PTPA: variants seen among roughly 807,000 people sequenced by gnomAD.
PTPA encodes the protein serine/threonine-protein phosphatase 2A activator.
In PTPA, 13 loss-of-function variants were observed where a neutral mutation model predicts 43.6. The ratio of observed to expected loss-of-function variants is 0.30; its 90% CI spans 0.19 to 0.47. The LOEUF is 0.47. PTPA is among the 20% of genes least tolerant of loss of function. The pLI is 0.99. For synonymous variants in PTPA, 172 were observed against 158.2 expected, an observed-to-expected ratio of 1.09 and a Z score of -0.66; for missense variants, 329 against 411.9, an observed-to-expected ratio of 0.80 and a Z score of 1.74.
In PTPA at chr9:129,136,776, G is replaced by A. The variant is rs539524309; in HGVS notation, c.685+181G>A. ...GGCTGTTTACTGTCGACCTTCTGCT[G>A]TGAGAGCCCGTGTGGTGGGCTGGAG... On this transcript the variant is annotated intron_variant, in intron 7 of 9. Coordinates refer to ENST00000393370, the MANE Select transcript of PTPA (RefSeq NM_178000.3). Among the ~76,000 whole-genome samples the A allele has an allele frequency of 6.6e-5, 10 of 152,386 alleles. 1 individual carries two copies. The highest frequency in any genetic ancestry group is 2.4e-4 in the African/African-American group (10 of 41,596).
intron 3 of PTPA, chr9:129,127,817 C>A: frequency 2.2e-6 from 1 of 448,758 alleles, no homozygotes; most frequent in South Asian, 1.9e-5. Context: ...GCTGATTTAC[C>A]ATAGCATTGT....
chr9:129,131,694 G>A (rs1312530248), intron 5 of PTPA, 55 bp downstream of exon 5: 1 of 1,552,254 alleles, frequency 6.4e-7, no homozygotes, highest in African/African-American at 1.4e-5. Context: ...TTTCTGTTTT[G>A]GGCTTCAGGT....
intron 2 of PTPA, 141 bp downstream of exon 2, chr9:129,120,751 T>G: frequency 1.5e-6 from 1 of 676,592 alleles, no homozygotes; most frequent in Non-Finnish European, 2.5e-6. Flanking sequence ...ACAGGGGAGC[T>G]GGCTGTCTCT....
upstream of PTPA, chr9:129,111,058 C>A (rs936959568): frequency 2.2e-6 from 3 of 1,368,346 alleles, no homozygotes; most frequent in Non-Finnish European, 2.9e-6. Context: ...TTTCCAACTC[C>A]GTCTGGTGTC....
At chr9:129,139,179 C>T (rs3124511) in intron 8 of PTPA, among the ~76,000 whole-genome samples, 37,037 of 152,106 alleles carry the variant, frequency 0.24, 4,957 homozygotes, top group Admixed American at 0.31. Context: ...CCAGGCCTGG[C>T]CTCCAGGATT....
At chr9:129,120,654 C>T (rs1361028570) in intron 2 of PTPA, 44 bp downstream of exon 2, 1 of 1,540,242 alleles carries the variant, frequency 6.5e-7, no homozygotes, top group South Asian at 1.1e-5. Context: ...TTTTCAAAGA[C>T]AGTGGTTTTC....
rs557098090 is a variant in PTPA at position 129,119,021 on chromosome 9, C to T, written c.32-1492C>T. The T allele has an allele frequency of 3.6e-5, 6 of 164,922 alleles. No individual in the cohort carries two copies. In the South Asian group the frequency reaches 6.8e-4, roughly 19 times the overall value. 10.2% of individuals were successfully genotyped at this position (164,922 alleles called of 1,614,324 possible). ...GAATCTTGTTTTGTTTTTATTGAGA[C>T]AGAGTCTCGTTCTGTTGTCCAGGCT... On this transcript the variant is annotated intron_variant, in intron 1 of 9. Coordinates refer to ENST00000393370, the MANE Select transcript of PTPA (RefSeq NM_178000.3).
At chr9:129,113,698 A>T (rs149974990) in intron 1 of PTPA, among the ~76,000 whole-genome samples, 3,463 of 152,120 alleles carry the variant, frequency 0.023, 126 homozygotes, top group Admixed American at 0.1. Flanking sequence ...TGAACCCAGG[A>T]GGCGGAGGTT....
chr9:129,137,804 G>A, intron 8 of PTPA, 112 bp downstream of exon 8: 2 of 1,004,020 alleles, frequency 2.0e-6, no homozygotes, highest in Non-Finnish European at 3.1e-6. Flanking sequence ...CAAAATGGCA[G>A]GGCCGGCCGG....
chr9:129,111,021 A>G (rs763439983), upstream of PTPA: 3 of 1,369,564 alleles, frequency 2.2e-6, no homozygotes, highest in East Asian at 4.5e-5. Context: ...CATGTCTTCT[A>G]AGCTGTTGGA....
chr9:129,142,559 G>A lies in PTPA; in HGVS notation c.894+7G>A. The A allele has an allele frequency of 6.2e-7, 1 of 1,614,130 alleles. No homozygotes were observed. The highest frequency in any genetic ancestry group is 8.5e-7 in the Non-Finnish European group (1 of 1,179,984). On this transcript the variant is annotated splice_region_variant and intron_variant, in intron 9 of 9. Coordinates refer to ENST00000393370, the MANE Select transcript of PTPA (RefSeq NM_178000.3). ...CCGCATGTATAAGGCCGAGGTGAGT[G>A]GGGGCTGGCCAGTGTGCCCGTCCCT...
intron 7 of PTPA, among the ~76,000 whole-genome samples, chr9:129,137,082 C>G (rs1850420953): frequency 6.6e-6 from 1 of 152,196 alleles, no homozygotes; most frequent in South Asian, 2.1e-4. Flanking sequence ...CTGGTGACTC[C>G]CCAACTCTTG....
chr9:129,133,513 T>C (rs944382380), intron 5 of PTPA, among the ~76,000 whole-genome samples: 4 of 152,202 alleles, frequency 2.6e-5, no homozygotes, highest in African/African-American at 9.7e-5. Context: ...GACAGAAGTA[T>C]TCTCTGACAC....
At chr9:129,127,939 G>T in intron 3 of PTPA, 1 of 1,284,950 alleles carries the variant, frequency 7.8e-7, no homozygotes, top group Non-Finnish European at 1.0e-6. Context: ...AGTAAAAGTT[G>T]TCATAAGATT....
intron 9 of PTPA, among the ~76,000 whole-genome samples, chr9:129,146,647 A>G (rs1268415598): frequency 6.6e-6 from 1 of 152,196 alleles, no homozygotes; most frequent in African/African-American, 2.4e-5. Flanking sequence ...CAGGTGTGGC[A>G]GGCATGGGGG....
At chr9:129,122,275 T>A (rs1849295694) in intron 2 of PTPA, among the ~76,000 whole-genome samples, 1 of 152,082 alleles carries the variant, frequency 6.6e-6, no homozygotes, top group Non-Finnish European at 1.5e-5. Flanking sequence ...GCAAACTTTT[T>A]AATTTTTTGT....
At chr9:129,119,059 T>C (rs1849079314) in intron 1 of PTPA, 1 of 169,282 alleles carries the variant, frequency 5.9e-6, no homozygotes, top group Non-Finnish European at 1.3e-5. Flanking sequence ...AGTGCAGTGG[T>C]ATGATCTCAG....
chr9:129,140,374 C>T (rs184648353), intron 8 of PTPA, among the ~76,000 whole-genome samples: 3 of 152,202 alleles, frequency 2.0e-5, no homozygotes, highest in African/African-American at 7.2e-5. Context: ...CCCTGAAGGA[C>T]TTAGGGAGAC....
intron 8 of PTPA, chr9:129,142,242 C>G: frequency 2.2e-6 from 1 of 463,816 alleles, no homozygotes; most frequent in Non-Finnish European, 3.7e-6. Context: ...AACCTTGTCT[C>G]TGGCACTTGC....
Sources: gnomAD v4.1 joint callset for allele counts (sites outside exome capture counted in the v4.1 genomes callset) on GRCh38, gnomAD v4.1.1 for gene constraint, MANE v1.5 for transcripts, NCBI Gene and HGNC (gene_info 2026-07-23, HGNC 2026-07-21) for gene names.